ZMIZ2: variants seen among roughly 807,000 people sequenced by gnomAD.
ZMIZ2 encodes the protein zinc finger MIZ domain-containing protein 2.
Under a neutral mutation model 93.9 loss-of-function variants are expected in ZMIZ2, and 26 were observed. That is an observed-to-expected ratio of 0.28 (90% CI 0.20 to 0.38). The LOEUF (loss-of-function observed/expected upper bound fraction) is 0.38. Among genes scored for constraint, ZMIZ2 ranks in the 10% least tolerant of loss-of-function variants. The pLI is 1.00. For synonymous variants in ZMIZ2, 485 were observed against 516.4 expected (o/e 0.94, Z 0.82); for missense variants, 1,023 against 1,235.0 (o/e 0.83, Z 2.57).
intron 1 of ZMIZ2, among the ~76,000 whole-genome samples, chr7:44,750,676 G>T (rs530982498): frequency 6.6e-6 from 1 of 152,310 alleles, no homozygotes; most frequent in Admixed American, 6.5e-5. Context: ...ATTTGGGGAA[G>T]AGAGGTCTGG....
In ZMIZ2 at chr7:44,765,704, C is replaced by T. The variant is rs1791639675; in HGVS notation, c.2242+125C>T. 2 of 1,393,624 alleles carry T rather than the reference C, an allele frequency of 1.4e-6. No individual in the cohort carries two copies. Among genetic ancestry groups the T allele is most frequent in the Admixed American group, 2.2e-5 (1 of 45,324 alleles). 86.3% of individuals were successfully genotyped at this position (1,393,624 alleles called of 1,614,324 possible). On this transcript the variant is annotated intron_variant, in intron 16 of 18. Coordinates refer to ENST00000309315, the MANE Select transcript of ZMIZ2 (RefSeq NM_031449.4). This position sits in a 1 kb window ranked among gnomAD's most constrained non-coding sequence, Gnocchi z 4.1. Reference sequence around the variant, plus strand: ...TCACACACCTAGGTTATCAGTGTTGCCACACAAAACATGCCGCGGGGCACC... The same window carrying T: ...TCACACACCTAGGTTATCAGTGTTGTCACACAAAACATGCCGCGGGGCACC...
Position 44,767,836 on chromosome 7 carries a change from AC to A in ZMIZ2, c.*215del. On this transcript the variant is annotated 3_prime_UTR_variant, in exon 19 of 19. Transcript: ENST00000309315. ...GGCTCCCAGGCCGGCAGCCCTTGCCACCTCCCTCTGCCAAGCCTGCTGCTGC... is the reference window on the plus strand; with the variant it reads ...GGCTCCCAGGCCGGCAGCCCTTGCCACTCCCTCTGCCAAGCCTGCTGCTGC... 1 of 590,836 alleles carries A rather than the reference AC, an allele frequency of 1.7e-6. No homozygotes were observed. The highest frequency in any genetic ancestry group is 2.0e-5 in the South Asian group (1 of 50,806). 36.6% of individuals were successfully genotyped at this position (590,836 alleles called of 1,614,324 possible).
intron 5 of ZMIZ2, 45 bp downstream of exon 5, chr7:44,757,606 G>C (rs765225929): frequency 6.5e-7 from 1 of 1,544,182 alleles, no homozygotes; most frequent in African/African-American, 1.4e-5. Context: ...CCAGCCTGAG[G>C]GCCTGGGAGG....
At position 44,756,811 on chromosome 7, in the gene ZMIZ2, T is replaced by C. The variant is rs1012404840; in HGVS notation, c.166-136T>C. 5 of 1,112,006 alleles carry C rather than the reference T, an allele frequency of 4.5e-6. No homozygotes were observed. In the African/African-American group the frequency reaches 7.9e-5, roughly 18 times the overall value. 68.9% of individuals were successfully genotyped at this position (1,112,006 alleles called of 1,614,324 possible). On this transcript the variant is annotated intron_variant, in intron 3 of 18. Transcript: ENST00000309315. ...CCCTGTGGACAGCTGCTTTCCCTGC[T>C]TCCCGTGCTATACCCTGTCCCCCCC...
chr7:44,752,070 T>C (rs1790199667), intron 1 of ZMIZ2, among the ~76,000 whole-genome samples: 1 of 152,068 alleles, frequency 6.6e-6, no homozygotes, highest in Non-Finnish European at 1.5e-5. Context: ...CTTGGAAAAC[T>C]AGTACAACAT....
chr7:44,750,765 C>T (rs1247936492), intron 1 of ZMIZ2, among the ~76,000 whole-genome samples: 1 of 151,954 alleles, frequency 6.6e-6, no homozygotes, highest in Admixed American at 6.6e-5. Flanking sequence ...CTAGACTGAC[C>T]TTGTCCATCT....
chr7:44,762,226 C>T (rs1791269008), intron 11 of ZMIZ2, among the ~76,000 whole-genome samples: 1 of 152,206 alleles, frequency 6.6e-6, no homozygotes, highest in Non-Finnish European at 1.5e-5. Flanking sequence ...ATCTGTCATC[C>T]TTGCCCTTTA....
At chr7:44,764,668 A>T (rs1417335325) in intron 14 of ZMIZ2, among the ~76,000 whole-genome samples, 182 bp downstream of exon 14, 1 of 152,214 alleles carries the variant, frequency 6.6e-6, no homozygotes, top group Non-Finnish European at 1.5e-5. Flanking sequence ...GGGTCATCTC[A>T]TGCAGTCACC....
chr7:44,765,070 T>C lies in ZMIZ2; in HGVS notation c.1997+61T>C. 6.3e-7 allele frequency: 1 copy of C among 1,593,056 alleles called. No homozygotes were observed. The highest frequency in any genetic ancestry group is 2.2e-5 in the East Asian group (1 of 44,748). On this transcript the variant is annotated intron_variant, in intron 15 of 18. Transcript: ENST00000309315. The surrounding 1 kb of genome is among the most constrained non-coding windows in gnomAD (Gnocchi z 4.1). ...GCCACTGGAGGGCAGCCCCAGGACA[T>C]GTCGGGGGATGTCCCTTGCCAAGTG...
In ZMIZ2 at chr7:44,767,668, C is replaced by T. The variant is rs1434270484; in HGVS notation, c.*45C>T. On this transcript the variant is annotated 3_prime_UTR_variant, in exon 19 of 19. Transcript: ENST00000309315. ...CCGGCGGGGACACGCTCACAGATGT[C>T]ACCACAGCCCTGCCCTTCATGCCCA... 1.3e-6 allele frequency: 2 copies of T among 1,544,240 alleles called. No homozygotes were observed. The highest frequency in any genetic ancestry group is 2.7e-5 in the African/African-American group (2 of 73,422).
At chr7:44,754,615 T>A (rs956406792) in intron 1 of ZMIZ2, among the ~76,000 whole-genome samples, 49 of 152,184 alleles carry the variant, frequency 3.2e-4, no homozygotes, top group Non-Finnish European at 4.9e-4. Flanking sequence ...AGGCTGTTCC[T>A]ACCTCCATTG....
At chr7:44,767,422 C>G in intron 18 of ZMIZ2, 94 bp from the exon 19 acceptor site, 1 of 1,111,820 alleles carries the variant, frequency 9.0e-7, no homozygotes. Context: ...CCCCACTGTG[C>G]CTGGAGACAG....
Position 44,767,700 on chromosome 7 carries a change from T to C in ZMIZ2, c.*77T>C. The C allele has an allele frequency of 7.5e-7, 1 of 1,337,662 alleles. No homozygotes were observed. The highest frequency in any genetic ancestry group is 1.8e-5 in the Admixed American group (1 of 56,200). The allele number at this position is 1,337,662 out of a possible 1,614,324, so 82.9% of individuals were successfully genotyped here. On this transcript the variant is annotated 3_prime_UTR_variant, in exon 19 of 19. Transcript: ENST00000309315. ...GCCCTGCCCTTCATGCCCAGCCCCA[T>C]GGGACACCCGGTGGTCTTTCCCAAA...
chr7:44,759,998 A>G (rs1173918422), intron 7 of ZMIZ2, 153 bp from the exon 8 acceptor site: 17 of 769,470 alleles, frequency 2.2e-5, no homozygotes, highest in Non-Finnish European at 3.4e-5. Context: ...CTCTGTGGCT[A>G]TGATTGCTTT....
intron 4 of ZMIZ2, 28 bp from the exon 5 acceptor site, chr7:44,757,350 G>C (rs373128564): frequency 3.1e-6 from 5 of 1,591,428 alleles, no homozygotes; most frequent in Admixed American, 1.7e-5. Context: ...CCCACGCAGA[G>C]AGCGTGGCAA....
rs1262846274 is a variant in ZMIZ2, at chr7:44,757,010, G to A, written c.229G>A (p.Ala77Thr). The part of the protein sequence containing the change: ...PSGSSMMPGV[A>T]GGSSALTSPQ... Reference sequence around the variant, plus strand: ...TGGCAGCTCCATGATGCCTGGTGTGGCAGGGGGCAGCTCCGCCTTGACCTC... The same window carrying A: ...TGGCAGCTCCATGATGCCTGGTGTGACAGGGGGCAGCTCCGCCTTGACCTC... The change falls in exon 4 of 19, where the codon GCA (alanine) becomes ACA (threonine). Residue 77 changes from alanine to threonine, a missense_variant. Ala to Thr is a moderately conservative substitution (Grantham distance 58). Coordinates refer to ENST00000309315, the MANE Select transcript of ZMIZ2 (RefSeq NM_031449.4). 6.2e-7 allele frequency: 1 copy of A among 1,612,568 alleles called. No individual in the cohort carries two copies. Among genetic ancestry groups the A allele is most frequent in the Non-Finnish European group, 8.5e-7 (1 of 1,179,484 alleles).
chr7:44,767,490 G>T, intron 18 of ZMIZ2, 26 bp from the exon 19 acceptor site: 1 of 1,591,390 alleles, frequency 6.3e-7, no homozygotes, highest in East Asian at 2.2e-5. Context: ...GACCAAAGCT[G>T]CTAACAGAGT....
rs1430538542 is a variant in ZMIZ2 at position 44,765,368 on chromosome 7, G to A, written c.2031G>A (p.Thr677=). 12 of 1,613,412 alleles carry A rather than the reference G, an allele frequency of 7.4e-6. No individual in the cohort carries two copies. The highest frequency in any genetic ancestry group is 1.1e-5 in the South Asian group (1 of 91,076). Residue 677 remains threonine (T), a synonymous_variant, in exon 16 of 19, where the codon ACG becomes ACA. Coordinates refer to ENST00000309315, the MANE Select transcript of ZMIZ2 (RefSeq NM_031449.4). This position sits in a 1 kb window ranked among gnomAD's most constrained non-coding sequence, Gnocchi z 4.1. ...ATGAGGAGATCACCATCGACCCCAC[G>A]TGCAGCTGGAAGCCAGTGCCCGTGA... ...SDYEEITIDP[T]CSWKPVPVKP...
At chr7:44,750,483 T>G (rs1790041860) in intron 1 of ZMIZ2, among the ~76,000 whole-genome samples, 2 of 152,116 alleles carry the variant, frequency 1.3e-5, no homozygotes, top group African/African-American at 4.8e-5. Context: ...GTCACCTGGG[T>G]TGGATCCTGA....
Sources: gnomAD v4.1 joint callset for allele counts (sites outside exome capture counted in the v4.1 genomes callset) on GRCh38, gnomAD v4.1.1 for gene constraint, Gnocchi (gnomAD v3.1) non-coding constraint, MANE v1.5 for transcripts, NCBI Gene and HGNC (gene_info 2026-07-23, HGNC 2026-07-21) for gene names.